The following SLC14A2 variants were observed in gnomAD, a reference collection of about 807,000 sequenced individuals.
SLC14A2 encodes the protein solute carrier family 14 member 2.
SLC14A2 carries 91 observed loss-of-function variants against 104.6 expected under a neutral mutation model. The observed-to-expected ratio is 0.87, with a 90% CI of 0.73 to 1.04. The LOEUF is 1.04. Ranked by LOEUF, SLC14A2 falls within the 50% of genes least tolerant of loss-of-function variation. The pLI is 0.00. For missense variants in SLC14A2, 1,189 were observed against 1,156.0 expected, an observed-to-expected ratio of 1.03 and a Z score of -0.41; for synonymous variants, 476 against 466.4, an observed-to-expected ratio of 1.02 and a Z score of -0.27.
At chr18:45,172,247 A>G in the SLC14A2 span, among the ~76,000 whole-genome samples, 16 of 152,238 alleles carry the variant, frequency 1.1e-4, no homozygotes, top group South Asian at 1.0e-3. Flanking sequence ...CATCATCAAA[A>G]CAATTTCTTG....
the SLC14A2 span, among the ~76,000 whole-genome samples, chr18:45,192,137 C>T: frequency 2.6e-5 from 4 of 152,208 alleles, no homozygotes; most frequent in East Asian, 3.9e-4. Flanking sequence ...ACATCTTGTC[C>T]GGATTCTAAA....
chr18:45,218,132 A>C (rs1028386380), intron 1 of SLC14A2, among the ~76,000 whole-genome samples: 12 of 152,202 alleles, frequency 7.9e-5, no homozygotes, highest in African/African-American at 2.7e-4. Context: ...CCAGAACTTC[A>C]TCCCCCCGAA....
chr18:45,528,676 TG>T (rs1321847014), intron 2 of SLC14A2: 1 of 151,958 alleles, frequency 6.6e-6, no homozygotes, highest in African/African-American at 2.4e-5. Context: ...GATACACAGA[TG>T]AACAAGCCCT....
At chr18:45,435,721 G>A (rs1213454847) in intron 1 of SLC14A2, among the ~76,000 whole-genome samples, 1 of 152,154 alleles carries the variant, frequency 6.6e-6, no homozygotes, top group African/African-American at 2.4e-5. Flanking sequence ...CTTGTCCCAG[G>A]ACTCTATATC....
chr18:45,402,994 C>A (rs2612561), intron 1 of SLC14A2, among the ~76,000 whole-genome samples: 2 of 151,978 alleles, frequency 1.3e-5, no homozygotes, highest in South Asian at 4.1e-4. Context: ...ACAGGATGTA[C>A]TGATCTGCTA....
chr18:45,524,737 C>A (rs137992821), intron 2 of SLC14A2, among the ~76,000 whole-genome samples: 1 of 152,020 alleles, frequency 6.6e-6, no homozygotes, highest in Admixed American at 6.6e-5. Context: ...CAGGTGTAGA[C>A]CTAACTGCTA....
At chr18:45,679,048 G>A (rs773168154) in intron 19 of SLC14A2, 24 bp downstream of exon 19, 37 of 1,608,514 alleles carry the variant, frequency 2.3e-5, no homozygotes, top group East Asian at 6.7e-5. Flanking sequence ...GGCTCAGAAC[G>A]TGCCTACAAC....
At chr18:45,580,136 T>C (rs1017861262) in intron 2 of SLC14A2, among the ~76,000 whole-genome samples, 6 of 152,134 alleles carry the variant, frequency 3.9e-5, no homozygotes, top group Admixed American at 2.0e-4. Context: ...TAGGAAGAAG[T>C]CTGTGGACAG....
chr18:45,412,630 G>A (rs1292484455), intron 1 of SLC14A2, among the ~76,000 whole-genome samples: 1 of 152,140 alleles, frequency 6.6e-6, no homozygotes, highest in African/African-American at 2.4e-5. Context: ...GGGGTAAACA[G>A]TAAGATAGAT....
intron 1 of SLC14A2, among the ~76,000 whole-genome samples, chr18:45,301,736 T>C (rs74821035): frequency 0.012 from 1,755 of 152,326 alleles, 24 homozygotes; most frequent in South Asian, 0.021. Flanking sequence ...CCAGGTTGTT[T>C]TGTCTCCATA....
intron 2 of SLC14A2, among the ~76,000 whole-genome samples, chr18:45,594,247 C>T (rs147833552): frequency 1.4e-4 from 22 of 152,202 alleles, no homozygotes; most frequent in Admixed American, 2.0e-4. Flanking sequence ...ACCACAAGCA[C>T]GCAGTACCAG....
chr18:45,501,410 T>C (rs1339830853), intron 2 of SLC14A2, among the ~76,000 whole-genome samples: 3 of 152,204 alleles, frequency 2.0e-5, no homozygotes, highest in Non-Finnish European at 2.9e-5. Context: ...CCTTAAAACA[T>C]ATTAATAAAG....
intron 1 of SLC14A2, chr18:45,482,529 A>G (rs2087514623): frequency 6.6e-6 from 1 of 152,230 alleles, no homozygotes; most frequent in South Asian, 2.1e-4. Flanking sequence ...ATTCACTCTC[A>G]AGTTCACTCA....
At chr18:45,314,150 A>C (rs2144223116) in intron 1 of SLC14A2, among the ~76,000 whole-genome samples, 1 of 152,368 alleles carries the variant, frequency 6.6e-6, no homozygotes, top group Non-Finnish European at 1.5e-5. Context: ...AGGCCAAAGA[A>C]CAAAGTGAAA....
intron 2 of SLC14A2, among the ~76,000 whole-genome samples, chr18:45,534,971 G>C (rs1234678193): frequency 2.6e-5 from 4 of 152,182 alleles, no homozygotes; most frequent in African/African-American, 9.6e-5. Context: ...CTCAGGAAAT[G>C]AGGCATTCTG....
At chr18:45,518,652 G>A (rs1402512011) in intron 2 of SLC14A2, among the ~76,000 whole-genome samples, 4 of 95,418 alleles carry the variant, frequency 4.2e-5, no homozygotes, top group African/African-American at 1.3e-4. Context: ...CTGGTGTCTG[G>A]ACTTGGCCAC....
intron 1 of SLC14A2, among the ~76,000 whole-genome samples, chr18:45,247,933 C>T (rs9807668): frequency 0.07 from 10,597 of 151,936 alleles, 457 homozygotes; most frequent in Non-Finnish European, 0.098. Context: ...TCCTGGTGTC[C>T]CTGGGGCCCA....
At chr18:45,357,008 A>G (rs1259604368) in intron 1 of SLC14A2, among the ~76,000 whole-genome samples, 1 of 152,214 alleles carries the variant, frequency 6.6e-6, no homozygotes, top group Non-Finnish European at 1.5e-5. Context: ...CACTGGCCTC[A>G]TCTTCACTGG....
At chr18:45,297,296 A>G (rs1729366996) in intron 1 of SLC14A2, among the ~76,000 whole-genome samples, 1 of 152,236 alleles carries the variant, frequency 6.6e-6, no homozygotes, top group African/African-American at 2.4e-5. Context: ...CAGTGTAATC[A>G]TCATCTTTTA....
Sources: gnomAD v4.1 joint callset for allele counts (sites outside exome capture counted in the v4.1 genomes callset) on GRCh38, gnomAD v4.1.1 for gene constraint, MANE v1.5 for transcripts, NCBI Gene and HGNC (gene_info 2026-07-23, HGNC 2026-07-21) for gene names.